The following IMMP2L variants were observed in gnomAD, a reference collection of about 807,000 sequenced individuals.
IMMP2L encodes the protein mitochondrial inner membrane protease subunit 2.
A neutral mutation model predicts 19.3 loss-of-function variants in IMMP2L; 18 were observed. That is an observed-to-expected ratio of 0.93 (90% CI 0.64 to 1.38). The LOEUF (loss-of-function observed/expected upper bound fraction) is 1.38, where lower values mean the gene tolerates loss of function less well. Among genes scored for constraint, IMMP2L ranks in the 40% most tolerant of loss-of-function variants. IMMP2L has a pLI of 0.00. For missense variants in IMMP2L, 233 were observed against 218.2 expected, an observed-to-expected ratio of 1.07 and a Z score of -0.43; for synonymous variants, 76 against 73.0, an observed-to-expected ratio of 1.04 and a Z score of -0.21.
chr7:110,668,801 T>C (rs1167534759), intron 5 of IMMP2L, among the ~76,000 whole-genome samples: 2 of 150,958 alleles, frequency 1.3e-5, no homozygotes, highest in East Asian at 3.9e-4. Context: ...TTGAGAATAA[T>C]AGAGAGAGAG....
At chr7:110,765,956 T>G (rs2130994165) in intron 5 of IMMP2L, among the ~76,000 whole-genome samples, 1 of 152,330 alleles carries the variant, frequency 6.6e-6, no homozygotes, top group Admixed American at 6.5e-5. Flanking sequence ...TTTAAAAATA[T>G]ACTTGATTTG....
chr7:111,186,307 T>C (rs564746386), intron 3 of IMMP2L, among the ~76,000 whole-genome samples: 2 of 152,322 alleles, frequency 1.3e-5, no homozygotes, highest in Non-Finnish European at 2.9e-5. Flanking sequence ...AATACAGTTA[T>C]AGCCATGGGA....
intron 5 of IMMP2L, among the ~76,000 whole-genome samples, chr7:110,751,890 C>T (rs911706193): frequency 3.3e-5 from 5 of 151,862 alleles, no homozygotes; most frequent in Non-Finnish European, 7.4e-5. Flanking sequence ...ACATGCATCC[C>T]AAAACCTTTA....
At chr7:111,206,418 G>A (rs911416185) in intron 3 of IMMP2L, among the ~76,000 whole-genome samples, 2 of 151,996 alleles carry the variant, frequency 1.3e-5, no homozygotes, top group African/African-American at 2.4e-5. Context: ...TCAGCATCTC[G>A]AACTACATTT....
At chr7:111,091,748 T>C (rs1040934820) in intron 3 of IMMP2L, among the ~76,000 whole-genome samples, 5 of 151,274 alleles carry the variant, frequency 3.3e-5, no homozygotes, top group African/African-American at 9.7e-5. Flanking sequence ...CATTAGAGGA[T>C]GTGAGTGGGA....
At chr7:111,130,856 T>C (rs940200276) in intron 3 of IMMP2L, among the ~76,000 whole-genome samples, 6 of 152,062 alleles carry the variant, frequency 3.9e-5, no homozygotes, top group African/African-American at 1.4e-4. Context: ...TAATAATGGT[T>C]TCAGAGAAGA....
intron 3 of IMMP2L, among the ~76,000 whole-genome samples, chr7:111,068,111 A>C (rs1396230295): frequency 6.6e-6 from 1 of 152,220 alleles, no homozygotes; most frequent in Non-Finnish European, 1.5e-5. Context: ...AGTGGTAAAG[A>C]AGAGTATATG....
intron 3 of IMMP2L, among the ~76,000 whole-genome samples, chr7:111,433,681 C>T (rs1485304255): frequency 2.6e-5 from 4 of 151,584 alleles, no homozygotes; most frequent in Non-Finnish European, 4.4e-5. Context: ...CCTGTCTTGC[C>T]CTTGAAACGT....
At chr7:111,374,346 CTTAAAG>C (rs1040067261) in intron 3 of IMMP2L, among the ~76,000 whole-genome samples, 3 of 151,888 alleles carry the variant, frequency 2.0e-5, no homozygotes, top group Non-Finnish European at 4.4e-5. Context: ...AGGCTGGTAA[CTTAAAG>C]TTAATGAATG....
intron 3 of IMMP2L, among the ~76,000 whole-genome samples, chr7:111,323,136 A>T (rs1016376849): frequency 2.0e-5 from 3 of 151,916 alleles, no homozygotes; most frequent in Admixed American, 6.6e-5. Flanking sequence ...GAAATTAATA[A>T]AAATAAAAAT....
chr7:110,700,109 G>A (rs1000920971), intron 5 of IMMP2L, among the ~76,000 whole-genome samples: 1 of 152,136 alleles, frequency 6.6e-6, no homozygotes. Flanking sequence ...ACGGAGCAGA[G>A]GACCCAACTA....
rs571890728 is a variant in IMMP2L, at chr7:111,479,508, G to A, written c.239+7730C>T. Reference sequence around the variant, plus strand: ...AGATAAGTTGACACCCTTATATGACGGTTGATTTGCCTTGTGTTCTATTTC... The same window carrying A: ...AGATAAGTTGACACCCTTATATGACAGTTGATTTGCCTTGTGTTCTATTTC... On this transcript the variant is annotated intron_variant, in intron 3 of 5. Transcript: ENST00000405709. Among the ~76,000 whole-genome samples, 14 of 151,906 alleles carry A rather than the reference G, an allele frequency of 9.2e-5. No homozygotes were observed. The South Asian group carries it at 2.5e-3, about 27-fold the overall frequency.
intron 3 of IMMP2L, among the ~76,000 whole-genome samples, chr7:111,004,178 A>G (rs2129561796): frequency 6.6e-6 from 1 of 152,174 alleles, no homozygotes; most frequent in African/African-American, 2.4e-5. Context: ...AGAGAAAATA[A>G]TATCCTAACT....
chr7:111,029,078 A>C (rs1827145675), intron 3 of IMMP2L, among the ~76,000 whole-genome samples: 1 of 152,212 alleles, frequency 6.6e-6, no homozygotes, highest in African/African-American at 2.4e-5. Context: ...TAATGGGAAC[A>C]AATATGATTC....
chr7:111,546,446 T>C (rs983662255), intron 1 of IMMP2L, among the ~76,000 whole-genome samples: 1 of 152,186 alleles, frequency 6.6e-6, no homozygotes, highest in African/African-American at 2.4e-5. Context: ...TTTGTATCTT[T>C]GTCCATTTTT....
intron 3 of IMMP2L, among the ~76,000 whole-genome samples, chr7:111,205,299 T>G (rs1234157884): frequency 6.6e-6 from 1 of 152,196 alleles, no homozygotes. Flanking sequence ...GGTGATTAAG[T>G]TTCAACATAT....
chr7:111,303,900 A>G (rs1449612214), intron 3 of IMMP2L, among the ~76,000 whole-genome samples: 2 of 152,096 alleles, frequency 1.3e-5, no homozygotes. Context: ...CTAAAACCAC[A>G]AACCTCCCAA....
At chr7:111,046,032 T>C (rs2129571823) in intron 3 of IMMP2L, among the ~76,000 whole-genome samples, 1 of 151,800 alleles carries the variant, frequency 6.6e-6, no homozygotes, top group South Asian at 2.1e-4. Flanking sequence ...TAGATAAAAA[T>C]ACAAATCTTA....
intron 3 of IMMP2L, among the ~76,000 whole-genome samples, chr7:111,284,771 G>A (rs1459737988): frequency 6.6e-6 from 1 of 152,160 alleles, no homozygotes; most frequent in South Asian, 2.1e-4. Context: ...TGTACTCTGT[G>A]AGCAATGAAA....
Sources: allele counts gnomAD v4.1 joint callset (sites outside exome capture counted in the v4.1 genomes callset), GRCh38; gene constraint gnomAD v4.1.1; transcripts MANE v1.5; gene names NCBI Gene and HGNC (gene_info 2026-07-23, HGNC 2026-07-21).